Variants in MINDY3 observed in about 807,000 individuals in gnomAD.
The protein encoded by MINDY3 is ubiquitin carboxyl-terminal hydrolase MINDY-3.
A neutral mutation model predicts 69.2 loss-of-function variants in MINDY3; 38 were observed. The observed-to-expected ratio is 0.55, with a 90% CI of 0.42 to 0.72. MINDY3 has a LOEUF of 0.72. Among genes scored for constraint, MINDY3 ranks in the 30% least tolerant of loss-of-function variants. The pLI is 0.00. For synonymous variants in MINDY3, 192 were observed against 180.1 expected (o/e 1.07, Z -0.53); for missense variants, 522 against 519.0 (o/e 1.01, Z -0.06).
In MINDY3 at chr10:15,785,646, G is replaced by A. The variant is rs145212197; in HGVS notation, c.1116+915C>T. 4.9e-3 allele frequency among the ~76,000 whole-genome samples: 742 copies of A among 152,260 alleles called. 10 individuals are homozygous for A. Among genetic ancestry groups the A allele is most frequent in the African/African-American group, 0.017 (705 of 41,562 alleles). ...GAAGGCTTTAAGACCAAAGTTTTAA[G>A]AAGTCCAGTAGTCTACATTGTCTAC... On this transcript the variant is annotated intron_variant, in intron 13 of 14. Transcript: ENST00000277632.
intron 10 of MINDY3, among the ~76,000 whole-genome samples, chr10:15,797,014 T>C (rs1450616620): frequency 6.6e-6 from 1 of 152,102 alleles, no homozygotes; most frequent in African/African-American, 2.4e-5. Context: ...AGTTTCCAAG[T>C]ATCCCTTCCT....
At chr10:15,802,499 G>C (rs1161593507) in intron 10 of MINDY3, among the ~76,000 whole-genome samples, 2 of 151,998 alleles carry the variant, frequency 1.3e-5, no homozygotes, top group Non-Finnish European at 2.9e-5. Flanking sequence ...AGAACAGCAT[G>C]GGGGAAACAG....
chr10:15,815,799 A>G (rs1447662696), intron 10 of MINDY3, among the ~76,000 whole-genome samples: 1 of 152,164 alleles, frequency 6.6e-6, no homozygotes, highest in African/African-American at 2.4e-5. Flanking sequence ...ATGAATCCCT[A>G]TTTTAAAGAC....
At chr10:15,796,276 C>CTT in intron 10 of MINDY3, 104 bp from the exon 11 acceptor site, 2 of 842,346 alleles carry the variant, frequency 2.4e-6, no homozygotes, top group Non-Finnish European at 2.0e-6. Context: ...AGTCAGAAGA[C>CTT]TTTGAGTTAC....
At chr10:15,804,567 A>G (rs1303300360) in intron 10 of MINDY3, among the ~76,000 whole-genome samples, 1 of 152,188 alleles carries the variant, frequency 6.6e-6, no homozygotes, top group Non-Finnish European at 1.5e-5. Flanking sequence ...AACTTCAAGA[A>G]TGACTGCACA....
At chr10:15,848,318 T>C (rs938115860) in intron 1 of MINDY3, among the ~76,000 whole-genome samples, 1 of 152,156 alleles carries the variant, frequency 6.6e-6, no homozygotes, top group African/African-American at 2.4e-5. Context: ...TCAAACTTTC[T>C]GTCACATTCT....
At chr10:15,791,425 A>G (rs992679309) in intron 11 of MINDY3, among the ~76,000 whole-genome samples, 8 of 152,010 alleles carry the variant, frequency 5.3e-5, no homozygotes, top group Admixed American at 2.0e-4. Flanking sequence ...ATCTCAGAGA[A>G]TACCATTTGA....
At chr10:15,781,850 A>T (rs1836556386) in intron 14 of MINDY3, among the ~76,000 whole-genome samples, 2 of 152,226 alleles carry the variant, frequency 1.3e-5, no homozygotes, top group African/African-American at 4.8e-5. Flanking sequence ...ATAAGTAACA[A>T]CTTTCACTGG....
chr10:15,810,246 T>C (rs1027521042), intron 10 of MINDY3, among the ~76,000 whole-genome samples: 1 of 152,162 alleles, frequency 6.6e-6, no homozygotes, highest in African/African-American at 2.4e-5. Flanking sequence ...AAAATTATAT[T>C]TAATTACTTT....
chr10:15,804,480 T>C (rs770497189), intron 10 of MINDY3, among the ~76,000 whole-genome samples: 5 of 152,132 alleles, frequency 3.3e-5, no homozygotes, highest in Non-Finnish European at 5.9e-5. Context: ...AAAGTTTTTC[T>C]CATTAAGCCT....
intron 6 of MINDY3, among the ~76,000 whole-genome samples, chr10:15,836,577 G>A (rs763249875): frequency 6.6e-5 from 10 of 151,798 alleles, no homozygotes; most frequent in Admixed American, 1.3e-4. Flanking sequence ...AGACTAACAC[G>A]TTACTAGAGC....
At chr10:15,822,735 G>A (rs116489986) in intron 8 of MINDY3, among the ~76,000 whole-genome samples, 2,573 of 152,160 alleles carry the variant, frequency 0.017, 53 homozygotes, top group African/African-American at 0.056. Context: ...GGAGAGAAAC[G>A]TCAGGGTTGG....
intron 8 of MINDY3, 95 bp from the exon 9 acceptor site, chr10:15,821,821 C>G (rs1349577629): frequency 1.1e-6 from 1 of 943,060 alleles, no homozygotes; most frequent in African/African-American, 1.7e-5. Flanking sequence ...TATATTTATA[C>G]TACACCAAAA....
intron 3 of MINDY3, among the ~76,000 whole-genome samples, chr10:15,842,287 G>A (rs370914075): frequency 8.6e-5 from 13 of 151,758 alleles, no homozygotes; most frequent in Non-Finnish European, 1.5e-4. Context: ...TCTCCTAATG[G>A]ATTAACAGTT....
chr10:15,844,635 C>G (rs188395582), intron 2 of MINDY3, among the ~76,000 whole-genome samples: 1 of 152,052 alleles, frequency 6.6e-6, no homozygotes, highest in Non-Finnish European at 1.5e-5. Context: ...TTTTTAAATA[C>G]AACTTTTTCC....
chr10:15,780,488 G>C (rs1447464307), intron 14 of MINDY3, among the ~76,000 whole-genome samples: 4 of 152,142 alleles, frequency 2.6e-5, no homozygotes, highest in Non-Finnish European at 4.4e-5. Flanking sequence ...TTTTCACAAA[G>C]AACTTCATGT....
At position 15,841,544 on chromosome 10, in the gene MINDY3, A is replaced by G; in HGVS notation, c.291T>C (p.Ala97=). 6.2e-7 allele frequency: 1 copy of G among 1,611,642 alleles called. No homozygotes were observed. Among genetic ancestry groups the G allele is most frequent in the Non-Finnish European group, 8.5e-7 (1 of 1,178,402 alleles). Residue 97 remains alanine (A), a synonymous_variant, in exon 4 of 15, where the codon GCT becomes GCC. Transcript: ENST00000277632. ...AGTATGATCCAGAGTGGTCACAACAAGCACTTTCTAAAATATCACACAAGG... is the reference window on the plus strand; with the variant it reads ...AGTATGATCCAGAGTGGTCACAACAGGCACTTTCTAAAATATCACACAAGG... The part of the protein sequence containing the change: ...CHTLCDILES[A]CCDHSGSYCL...
At chr10:15,827,136 A>G (rs1840136550) in intron 8 of MINDY3, among the ~76,000 whole-genome samples, 1 of 146,748 alleles carries the variant, frequency 6.8e-6, no homozygotes, top group Non-Finnish European at 1.5e-5. Context: ...AAAATAAAAA[A>G]TCTGGGGGTG....
intron 1 of MINDY3, among the ~76,000 whole-genome samples, chr10:15,850,224 T>C (rs971104211): frequency 5.3e-5 from 8 of 152,220 alleles, no homozygotes; most frequent in African/African-American, 1.9e-4. Context: ...AGCATGTATG[T>C]CGCCTCAGGA....
Sources: gnomAD v4.1 joint callset for allele counts (sites outside exome capture counted in the v4.1 genomes callset) on GRCh38, gnomAD v4.1.1 for gene constraint, MANE v1.5 for transcripts, NCBI Gene and HGNC (gene_info 2026-07-23, HGNC 2026-07-21) for gene names.